IMMP1L: variants seen among roughly 807,000 people sequenced by gnomAD.
IMMP1L encodes the protein inner mitochondrial membrane peptidase subunit 1, also known as mitochondrial inner membrane protease subunit 1.
IMMP1L carries 24 observed loss-of-function variants against 21.8 expected under a neutral mutation model. The observed-to-expected ratio is 1.10, with a 90% CI of 0.80 to 1.55. The LOEUF (loss-of-function observed/expected upper bound fraction) is 1.55. IMMP1L is among the 40% of genes most tolerant of loss of function. The pLI is 0.00. For missense variants in IMMP1L, 195 were observed against 200.7 expected (o/e 0.97, Z 0.17); for synonymous variants, 46 against 62.8 (o/e 0.73, Z 1.26).
intron 4 of IMMP1L, among the ~76,000 whole-genome samples, chr11:31,455,261 A>C (rs944984988): frequency 1.3e-5 from 2 of 152,190 alleles, no homozygotes; most frequent in African/African-American, 4.8e-5. Context: ...TTGAGGATGA[A>C]TATAGAGATA....
chr11:31,456,798 T>C (rs967672516), intron 3 of IMMP1L, among the ~76,000 whole-genome samples: 4 of 145,012 alleles, frequency 2.8e-5, no homozygotes, highest in East Asian at 2.0e-4. Flanking sequence ...GGCAAGAGGA[T>C]TGCTTGAAGC....
chr11:31,436,336 G>A (rs1259121683), intron 4 of IMMP1L, among the ~76,000 whole-genome samples: 1 of 152,154 alleles, frequency 6.6e-6, no homozygotes, highest in African/African-American at 2.4e-5. Flanking sequence ...CTTGTAAATA[G>A]AAATTCTTTG....
intron 4 of IMMP1L, among the ~76,000 whole-genome samples, chr11:31,450,353 G>A (rs933148757): frequency 1.3e-5 from 2 of 152,120 alleles, no homozygotes; most frequent in African/African-American, 4.8e-5. Flanking sequence ...CCTTCAAAAT[G>A]AGAACAAGGT....
intron 1 of IMMP1L, among the ~76,000 whole-genome samples, chr11:31,506,100 C>T (rs973442655): frequency 6.6e-6 from 1 of 152,144 alleles, no homozygotes; most frequent in Non-Finnish European, 1.5e-5. Context: ...CGTATCTTCC[C>T]CAACTGTGAA....
intron 1 of IMMP1L, among the ~76,000 whole-genome samples, chr11:31,508,921 A>G (rs1351175208): frequency 6.6e-6 from 1 of 152,228 alleles, no homozygotes; most frequent in Non-Finnish European, 1.5e-5. Flanking sequence ...TAAAGTAGGT[A>G]TACTTCTAAT....
At chr11:31,500,593 G>GCACA (rs1191426124) in intron 1 of IMMP1L, among the ~76,000 whole-genome samples, 2 of 55,274 alleles carry the variant, frequency 3.6e-5, no homozygotes, top group Non-Finnish European at 8.4e-5. Context: ...TTCCACATAT[G>GCACA]CACACACACA....
At chr11:31,462,099 G>A (rs997201788) in intron 2 of IMMP1L, among the ~76,000 whole-genome samples, 15 of 152,108 alleles carry the variant, frequency 9.9e-5, no homozygotes, top group African/African-American at 3.6e-4. Context: ...CAGATCACCT[G>A]AGGCCAGGAG....
intron 1 of IMMP1L, among the ~76,000 whole-genome samples, chr11:31,499,278 T>G (rs1246057061): frequency 1.3e-5 from 2 of 151,946 alleles, no homozygotes; most frequent in African/African-American, 2.4e-5. Context: ...GGCAGGAAAA[T>G]GGCGTGAACC....
intron 1 of IMMP1L, among the ~76,000 whole-genome samples, chr11:31,506,195 G>C (rs1209292014): frequency 6.7e-6 from 1 of 150,062 alleles, no homozygotes; most frequent in Non-Finnish European, 1.5e-5. Context: ...CCTTCATAAA[G>C]AATTAATTAA....
chr11:31,475,531 A>G (rs932033703), intron 1 of IMMP1L, among the ~76,000 whole-genome samples: 4 of 152,120 alleles, frequency 2.6e-5, no homozygotes, highest in African/African-American at 9.7e-5. Flanking sequence ...CACCATGCCC[A>G]GCCCCATCCT....
Position 31,451,370 on chromosome 11 carries a change from G to A in IMMP1L, c.321+4890C>T, listed in dbSNP as rs562830930. On this transcript the variant is annotated intron_variant, in intron 4 of 5. Coordinates refer to ENST00000532287, the MANE Select transcript of IMMP1L (RefSeq NM_001304274.2). ...CAAAGAAAACAGTTCAAAAATTATTGCAACAAAATGAGAGAGATGAGTTTA... is the reference window on the plus strand; with the variant it reads ...CAAAGAAAACAGTTCAAAAATTATTACAACAAAATGAGAGAGATGAGTTTA... Among the ~76,000 whole-genome samples, 52 of 152,256 alleles carry A rather than the reference G, an allele frequency of 3.4e-4. No individual in the cohort carries two copies. The South Asian group carries it at 0.011, about 31-fold the overall frequency.
At chr11:31,452,692 C>A (rs1953796302) in intron 4 of IMMP1L, 2 of 1,004,088 alleles carry the variant, frequency 2.0e-6, no homozygotes, top group African/African-American at 1.7e-5. Context: ...TACATAACCC[C>A]AGGAAAGAAT....
At chr11:31,493,495 C>G (rs531229247) in intron 1 of IMMP1L, among the ~76,000 whole-genome samples, 50 of 152,004 alleles carry the variant, frequency 3.3e-4, no homozygotes, top group Non-Finnish European at 6.5e-4. Flanking sequence ...TTCAAGATGA[C>G]ATTTGGGTGG....
chr11:31,464,591 G>T (rs902425398), intron 1 of IMMP1L, among the ~76,000 whole-genome samples: 1 of 152,038 alleles, frequency 6.6e-6, no homozygotes, highest in Non-Finnish European at 1.5e-5. Flanking sequence ...AATATACCAC[G>T]ATCAGATGGG....
intron 4 of IMMP1L, among the ~76,000 whole-genome samples, chr11:31,439,273 A>AT (rs141658750): frequency 0.021 from 3,159 of 150,204 alleles, 99 homozygotes; most frequent in African/African-American, 0.072. Flanking sequence ...TGGGTTACTC[A>AT]TTTTTTTTTC....
intron 1 of IMMP1L, among the ~76,000 whole-genome samples, chr11:31,471,436 C>T (rs1954547244): frequency 6.6e-6 from 1 of 151,986 alleles, no homozygotes; most frequent in Non-Finnish European, 1.5e-5. Context: ...TTGTGTCTCT[C>T]CTAATCATTG....
At chr11:31,504,972 A>G (rs1009330505) in intron 1 of IMMP1L, among the ~76,000 whole-genome samples, 12 of 152,042 alleles carry the variant, frequency 7.9e-5, no homozygotes, top group African/African-American at 2.7e-4. Flanking sequence ...AGGTTGAGGA[A>G]CTCCCTCTGT....
chr11:31,476,559 TTTAG>T (rs1238836731), intron 1 of IMMP1L, among the ~76,000 whole-genome samples: 2 of 152,068 alleles, frequency 1.3e-5, no homozygotes, highest in African/African-American at 4.8e-5. Context: ...GTCACCTATA[TTTAG>T]TTAAAATGTT....
chr11:31,461,498 A>C (rs1954137807), intron 2 of IMMP1L, among the ~76,000 whole-genome samples: 1 of 152,218 alleles, frequency 6.6e-6, no homozygotes, highest in Admixed American at 6.5e-5. Flanking sequence ...CTAATAAAAA[A>C]TCTGAAGTCT....
Sources: allele counts gnomAD v4.1 joint callset (sites outside exome capture counted in the v4.1 genomes callset), GRCh38; gene constraint gnomAD v4.1.1; transcripts MANE v1.5; gene names NCBI Gene and HGNC (gene_info 2026-07-23, HGNC 2026-07-21).